Variants in CERS3 observed in about 807,000 individuals in gnomAD.
CERS3 encodes ceramide synthase 3.
Under a neutral mutation model 50.3 loss-of-function variants are expected in CERS3, and 33 were observed. The ratio of observed to expected loss-of-function variants is 0.66; its 90% CI spans 0.50 to 0.88. CERS3 has a LOEUF of 0.88. Ranked by LOEUF, CERS3 falls within the 40% of genes least tolerant of loss-of-function variation. CERS3 has a pLI of 0.00. For missense variants in CERS3, 470 were observed against 460.3 expected, an observed-to-expected ratio of 1.02 and a Z score of -0.19; for synonymous variants, 176 against 155.2, an observed-to-expected ratio of 1.13 and a Z score of -0.99.
At chr15:100,506,755 G>C (rs1303693387) in intron 2 of CERS3, among the ~76,000 whole-genome samples, 1 of 152,202 alleles carries the variant, frequency 6.6e-6, no homozygotes, top group Admixed American at 6.5e-5. Flanking sequence ...TAGCTCCTCA[G>C]TGAGGTAAAG....
At chr15:100,482,806 C>T (rs113123463) in intron 5 of CERS3, among the ~76,000 whole-genome samples, 31 of 152,050 alleles carry the variant, frequency 2.0e-4, no homozygotes, top group African/African-American at 7.0e-4. Flanking sequence ...AATAAGCGCC[C>T]GGAGATTTTC....
intron 1 of CERS3, among the ~76,000 whole-genome samples, chr15:100,541,632 G>T (rs2037204668): frequency 6.6e-6 from 1 of 152,186 alleles, no homozygotes; most frequent in African/African-American, 2.4e-5. Flanking sequence ...GTTGGGTGCT[G>T]TTTGAACGTG....
chr15:100,416,495 C>T (rs1252980854), intron 11 of CERS3, among the ~76,000 whole-genome samples: 1 of 152,142 alleles, frequency 6.6e-6, no homozygotes, highest in African/African-American at 2.4e-5. Flanking sequence ...ACGATACTAC[C>T]CAAGACTGGG....
intron 11 of CERS3, among the ~76,000 whole-genome samples, chr15:100,420,917 T>C (rs1243637307): frequency 6.7e-6 from 1 of 148,830 alleles, no homozygotes; most frequent in Non-Finnish European, 1.5e-5. Context: ...AAATTAGGTA[T>C]TGATGGGACG....
At chr15:100,459,824 T>C (rs2034491863) in intron 10 of CERS3, among the ~76,000 whole-genome samples, 1 of 152,186 alleles carries the variant, frequency 6.6e-6, no homozygotes, top group South Asian at 2.1e-4. Context: ...ACTGTTTATA[T>C]TCATATTTTT....
chr15:100,519,419 G>A (rs2036581762), intron 2 of CERS3, among the ~76,000 whole-genome samples: 1 of 104,230 alleles, frequency 9.6e-6, no homozygotes, highest in African/African-American at 3.3e-5. Flanking sequence ...TTGCTCTAAA[G>A]GAAAGAAATG....
chr15:100,404,209 T>C (rs1031930287), intron 11 of CERS3, among the ~76,000 whole-genome samples: 2 of 152,230 alleles, frequency 1.3e-5, no homozygotes, highest in African/African-American at 4.8e-5. Context: ...CAAAACTAAT[T>C]ATGGACTTCT....
intron 11 of CERS3, among the ~76,000 whole-genome samples, chr15:100,413,659 T>C (rs1477834846): frequency 6.6e-6 from 1 of 150,792 alleles, no homozygotes; most frequent in Non-Finnish European, 1.5e-5. Context: ...GATAATATTG[T>C]AAAAAAAGTT....
intron 11 of CERS3, among the ~76,000 whole-genome samples, chr15:100,450,913 AG>A (rs919684451): frequency 1.7e-4 from 26 of 151,966 alleles, no homozygotes; most frequent in East Asian, 9.7e-4. Flanking sequence ...AAAGTGGGGG[AG>A]GGGGGGAACC....
At chr15:100,497,575 A>G (rs1310014174) in intron 3 of CERS3, among the ~76,000 whole-genome samples, 1 of 152,050 alleles carries the variant, frequency 6.6e-6, no homozygotes, top group Admixed American at 6.6e-5. Context: ...AGGAGGGGAA[A>G]GCAAAATAGA....
intron 11 of CERS3, among the ~76,000 whole-genome samples, chr15:100,439,996 C>G (rs778745132): frequency 1.3e-5 from 2 of 152,172 alleles, no homozygotes; most frequent in African/African-American, 2.4e-5. Context: ...CACAATGAAA[C>G]TAGGGTATCT....
In CERS3 at chr15:100,446,381, TC is replaced by T. The variant is rs754486335; in HGVS notation, c.999+9511del. Among the ~76,000 whole-genome samples, 849 of 102,676 alleles carry T rather than the reference TC, an allele frequency of 8.3e-3. 16 individuals are homozygous for T. The highest frequency in any genetic ancestry group is 0.03 in the African/African-American group (727 of 24,644). The allele number at this position is 102,676 out of a possible 152,430, so 67.4% of individuals were successfully genotyped here. A position where few individuals can be genotyped will look rare whatever the true frequency, so the allele number is the denominator to read the frequency against. ...CTTCTCAGGTTTTTTTTTTTTTTTT[TC>T]TTTAGATTAACCGAGATGTGGGCTA... On this transcript the variant is annotated intron_variant, in intron 11 of 11. Coordinates refer to ENST00000679737, the MANE Select transcript of CERS3 (RefSeq NM_001378789.1).
intron 11 of CERS3, among the ~76,000 whole-genome samples, chr15:100,403,941 TTGAGA>T (rs2030769534): frequency 6.6e-6 from 1 of 152,188 alleles, no homozygotes; most frequent in Non-Finnish European, 1.5e-5. Context: ...ATTAAGATCC[TTGAGA>T]TGAGAATAGT....
intron 11 of CERS3, among the ~76,000 whole-genome samples, chr15:100,430,133 G>A (rs970751532): frequency 9.9e-5 from 15 of 151,788 alleles, no homozygotes; most frequent in East Asian, 3.9e-4. Context: ...TAACACGGTG[G>A]AACCCTGTCT....
At chr15:100,411,351 G>A (rs1000663827) in intron 11 of CERS3, among the ~76,000 whole-genome samples, 1 of 151,912 alleles carries the variant, frequency 6.6e-6, no homozygotes, top group Admixed American at 6.6e-5. Flanking sequence ...TAGTAGAGAC[G>A]GGGTTTCACC....
chr15:100,484,869 A>C (rs1170560514), intron 4 of CERS3, among the ~76,000 whole-genome samples: 1 of 152,202 alleles, frequency 6.6e-6, no homozygotes, highest in Non-Finnish European at 1.5e-5. Flanking sequence ...AAATGTTACT[A>C]TCCCAGCTCT....
intron 11 of CERS3, among the ~76,000 whole-genome samples, chr15:100,428,038 A>T (rs912357464): frequency 2.0e-5 from 3 of 152,234 alleles, no homozygotes; most frequent in African/African-American, 7.2e-5. Flanking sequence ...GGTACATAAC[A>T]GTGAAGGAAC....
intron 10 of CERS3, among the ~76,000 whole-genome samples, chr15:100,459,189 A>G (rs550632551): frequency 6.6e-6 from 1 of 152,342 alleles, no homozygotes; most frequent in Non-Finnish European, 1.5e-5. Flanking sequence ...GCTTCACAGA[A>G]ATCCATTTTA....
intron 8 of CERS3, among the ~76,000 whole-genome samples, chr15:100,474,393 T>A (rs1200235751): frequency 6.6e-6 from 1 of 151,398 alleles, no homozygotes; most frequent in African/African-American, 2.4e-5. Flanking sequence ...TTGCTGTATA[T>A]CAGGAAGTTT....
Sources: allele counts gnomAD v4.1 joint callset (sites outside exome capture counted in the v4.1 genomes callset), GRCh38; gene constraint gnomAD v4.1.1; transcripts MANE v1.5; gene names NCBI Gene and HGNC (gene_info 2026-07-23, HGNC 2026-07-21).